The following HMX1 variants were observed in gnomAD, a reference collection of about 807,000 sequenced individuals.
HMX1 encodes homeobox protein HMX1.
Under a neutral mutation model 8.9 loss-of-function variants are expected in HMX1, and 8 were observed. That is an observed-to-expected ratio of 0.90 (90% CI 0.53 to 1.63). The LOEUF is 1.63. Among genes scored for constraint, HMX1 ranks in the 40% most tolerant of loss-of-function variants. The probability of loss-of-function intolerance (pLI) is 0.00; values close to 1 mark genes in which losing one functional copy is unlikely to be tolerated. For synonymous variants in HMX1, 311 were observed against 283.4 expected (o/e 1.10, Z -0.98); for missense variants, 621 against 558.5 (o/e 1.11, Z -1.13).
At chr4:8,860,769 C>G (rs1721776218) in intron 1 of HMX1, 1 of 152,578 alleles carries the variant, frequency 6.6e-6, no homozygotes, top group Non-Finnish European at 1.5e-5. Flanking sequence ...GCCCTGCCCG[C>G]AGCTTGAGCT....
rs918089125 is a variant in HMX1 at position 8,849,861 on chromosome 4, C to T, written c.395-3537G>A. On this transcript the variant is annotated intron_variant, in intron 1 of 1. Transcript: ENST00000506970. This position sits in a 1 kb window ranked among gnomAD's most constrained non-coding sequence, Gnocchi z 6.6. ...TTGTCATTTAACTCCACCCTCAGCC[C>T]GGAGTCTTCAGATGAGGGTTCTCTG... Among the ~76,000 whole-genome samples, 14 of 152,212 alleles carry T rather than the reference C, an allele frequency of 9.2e-5. No homozygotes were observed. Among genetic ancestry groups the T allele is most frequent in the African/African-American group, 3.1e-4 (13 of 41,470 alleles).
In HMX1 at chr4:8,849,333, T is replaced by A. The variant is rs1721371717; in HGVS notation, c.395-3009A>T. Reference sequence around the variant, plus strand: ...GCCCTACCCCAAGCTGAGTGGTGTGTGAGGACAAAGAGAACTTTGGACACA... The same window carrying A: ...GCCCTACCCCAAGCTGAGTGGTGTGAGAGGACAAAGAGAACTTTGGACACA... On this transcript the variant is annotated intron_variant, in intron 1 of 1. Coordinates refer to the HMX1 transcript ENST00000506970. This position sits in a 1 kb window ranked among gnomAD's most constrained non-coding sequence, Gnocchi z 6.6. Among the ~76,000 whole-genome samples the A allele has an allele frequency of 6.6e-6, 1 of 151,794 alleles. No individual in the cohort carries two copies. The highest frequency in any genetic ancestry group is 1.5e-5 in the Non-Finnish European group (1 of 67,992).
At chr4:8,850,983 G>T (rs1314933811) in intron 1 of HMX1, among the ~76,000 whole-genome samples, 1 of 152,262 alleles carries the variant, frequency 6.6e-6, no homozygotes, top group Non-Finnish European at 1.5e-5. Context: ...AGGGAGTCTG[G>T]AATCCATTTC....
In HMX1 at chr4:8,853,746, G is replaced by C. The variant is rs1043572200; in HGVS notation, c.395-7422C>G. ...GGGCCCCTGTAATCTCAGCTACTCG[G>C]GGAGGCTGAGACAGGAGAATTGTTT... On this transcript the variant is annotated intron_variant, in intron 1 of 1. Coordinates refer to the HMX1 transcript ENST00000506970. This position sits in a 1 kb window ranked among gnomAD's most constrained non-coding sequence, Gnocchi z 4.7. 1.3e-5 allele frequency among the ~76,000 whole-genome samples: 2 copies of C among 152,078 alleles called. No individual in the cohort carries two copies. Among genetic ancestry groups the C allele is most frequent in the Admixed American group, 6.5e-5 (1 of 15,276 alleles).
chr4:8,846,439 A>C, intron 1 of HMX1: 1 of 766,108 alleles, frequency 1.3e-6, no homozygotes, highest in South Asian at 1.9e-5. Flanking sequence ...CCTGGCTCAC[A>C]GAGTGGTCTC....
At chr4:8,861,785 T>C (rs943793109) in intron 1 of HMX1, among the ~76,000 whole-genome samples, 4 of 152,348 alleles carry the variant, frequency 2.6e-5, no homozygotes, top group Admixed American at 2.6e-4. Context: ...AAGGCGCCCA[T>C]CCTCTTGATG....
chr4:8,862,736 C>T (rs779212208), downstream of HMX1, among the ~76,000 whole-genome samples: 1 of 152,346 alleles, frequency 6.6e-6, no homozygotes, highest in East Asian at 1.9e-4. Flanking sequence ...ATAAAAAGCA[C>T]TATTACTTTT....
chr4:8,858,900 C>G (rs535369926), intron 1 of HMX1: 1 of 152,524 alleles, frequency 6.6e-6, no homozygotes, highest in African/African-American at 2.4e-5. Flanking sequence ...TCCCTCCTCT[C>G]TTCGTCACGC....
chr4:8,866,089 G>A (rs1256922127), downstream of HMX1, among the ~76,000 whole-genome samples: 2 of 152,208 alleles, frequency 1.3e-5, no homozygotes, highest in Admixed American at 1.3e-4. Context: ...GGGCTTGCTG[G>A]AACCCTGGCC....
intron 1 of HMX1, among the ~76,000 whole-genome samples, chr4:8,861,005 G>A (rs1474511128): frequency 6.6e-6 from 1 of 151,734 alleles, no homozygotes; most frequent in Non-Finnish European, 1.5e-5. Flanking sequence ...CCGCGGGGAG[G>A]GGGCGGGGCG....
rs1722056782 is a variant in HMX1 at position 8,867,795 on chromosome 4, T to C, written c.945A>G (p.Pro315=). 1 of 1,238,222 alleles carries C rather than the reference T, an allele frequency of 8.1e-7. No homozygotes were observed. The highest frequency in any genetic ancestry group is 3.1e-4 in the Middle Eastern group (1 of 3,208). The allele number at this position is 1,238,222 out of a possible 1,614,324, so 76.7% of individuals were successfully genotyped here. Residue 315 remains proline (P), a synonymous_variant, in exon 2 of 2, where the codon CCA becomes CCG. Coordinates refer to ENST00000400677, the MANE Select transcript of HMX1 (RefSeq NM_018942.3). ...GGGCCCCGGAGAAGCCGAGCAGCGG[T>C]GGGGGCGGCGCGGGCGCGGCGGGCG... is the stretch of plus-strand genomic sequence containing the variant. ...PLAPAAPAPP[P]PLLGFSGALA... is the part of the protein sequence containing the mutation.
Position 8,853,639 on chromosome 4 carries a change from G to T in HMX1, c.395-7315C>A, listed in dbSNP as rs1286317475. On this transcript the variant is annotated intron_variant, in intron 1 of 1. Coordinates refer to the HMX1 transcript ENST00000506970. The surrounding 1 kb of genome is among the most constrained non-coding windows in gnomAD (Gnocchi z 4.7). ...GGCCAAGGCGGGCGGATCACCTGAG[G>T]TCAGGAGTTCAAGACCAGCCTGACC... is the stretch of plus-strand genomic sequence containing the variant. Among the ~76,000 whole-genome samples, 3 of 152,158 alleles carry T rather than the reference G, an allele frequency of 2.0e-5. No individual in the cohort carries two copies. Among genetic ancestry groups the T allele is most frequent in the Non-Finnish European group, 4.4e-5 (3 of 68,036 alleles).
rs1721515987 is a variant in HMX1, at chr4:8,853,458, C to T, written c.395-7134G>A. 6.6e-6 allele frequency among the ~76,000 whole-genome samples: 1 copy of T among 152,194 alleles called. No individual in the cohort carries two copies. Among genetic ancestry groups the T allele is most frequent in the Non-Finnish European group, 1.5e-5 (1 of 68,040 alleles). On this transcript the variant is annotated intron_variant, in intron 1 of 1. Transcript: ENST00000506970. The surrounding 1 kb of genome is among the most constrained non-coding windows in gnomAD (Gnocchi z 4.7). ...ATCTCATGCTCACTGGTCAGAACCA[C>T]ATCATGTGACCGGGCTGAGCTGCAA...
At position 8,871,348 on chromosome 4, in the gene HMX1, C is replaced by G; in HGVS notation, c.267G>C (p.Pro89=). 10 of 1,266,016 alleles carry G rather than the reference C, an allele frequency of 7.9e-6. No homozygotes were observed. Among genetic ancestry groups the G allele is most frequent in the Non-Finnish European group, 8.9e-6 (9 of 1,008,230 alleles). 78.4% of individuals were successfully genotyped at this position (1,266,016 alleles called of 1,614,324 possible). Residue 89 remains proline (P), a synonymous_variant, in exon 1 of 2, where the codon CCG becomes CCC. Coordinates refer to ENST00000400677, the MANE Select transcript of HMX1 (RefSeq NM_018942.3). This position sits in a 1 kb window ranked among gnomAD's most constrained non-coding sequence, Gnocchi z 4.8. ...GCCGAGGACCGAGGCCCAGCGCGCC[C>G]GGCCCGAGCAGCGCACGGGCCCGCG... ...GEARARALLG[P]GALGLGPRPP...
Position 8,851,850 on chromosome 4 carries a change from G to C in HMX1, c.395-5526C>G, listed in dbSNP as rs1409409298. Reference sequence around the variant, plus strand: ...ACCATCATTCCCACCAGCAGCCCAGGCCTGGGCACTGTGGGGACACACTTT... The same window carrying C: ...ACCATCATTCCCACCAGCAGCCCAGCCCTGGGCACTGTGGGGACACACTTT... On this transcript the variant is annotated intron_variant, in intron 1 of 1. Coordinates refer to the HMX1 transcript ENST00000506970. Among the ~76,000 whole-genome samples the C allele has an allele frequency of 2.6e-5, 4 of 152,258 alleles. No homozygotes were observed. The East Asian group carries it at 7.7e-4, about 29-fold the overall frequency.
At chr4:8,861,925 A>G (rs1212116534) in intron 1 of HMX1, among the ~76,000 whole-genome samples, 2 of 152,188 alleles carry the variant, frequency 1.3e-5, no homozygotes, top group East Asian at 1.9e-4. Context: ...CCTCCCAAAC[A>G]CTGCAGCGAA....
At position 8,870,887 on chromosome 4, in the gene HMX1, G is replaced by A. The variant is rs1020832438; in HGVS notation, c.394+334C>T. ...TTCTCAGCCTCTTTCGCCTTCTCCT[G>A]TATCTTTCCCTATCCTCTTTCACTC... On this transcript the variant is annotated intron_variant, in intron 1 of 1. Transcript: ENST00000400677. The surrounding 1 kb of genome is among the most constrained non-coding windows in gnomAD (Gnocchi z 4.4). Among the ~76,000 whole-genome samples the A allele has an allele frequency of 1.4e-5, 2 of 142,710 alleles. No homozygotes were observed. The highest frequency in any genetic ancestry group is 3.0e-5 in the Non-Finnish European group (2 of 67,144). 93.6% of individuals were successfully genotyped at this position (142,710 alleles called of 152,430 possible).
Position 8,871,201 on chromosome 4 carries a change from C to A in HMX1, c.394+20G>T. ...GTCGGGCCCCACCGCCTGACCCACC[C>A]TCCCCGCGCCCTCACTCACTGTCAG... On this transcript the variant is annotated intron_variant, in intron 1 of 1. Transcript: ENST00000400677. The surrounding 1 kb of genome is among the most constrained non-coding windows in gnomAD (Gnocchi z 4.8). 7.1e-7 allele frequency: 1 copy of A among 1,407,530 alleles called. No homozygotes were observed. The highest frequency in any genetic ancestry group is 1.5e-5 in the South Asian group (1 of 67,812). 87.2% of individuals were successfully genotyped at this position (1,407,530 alleles called of 1,614,324 possible).
intron 1 of HMX1, among the ~76,000 whole-genome samples, chr4:8,851,420 C>T (rs1000458662): frequency 1.3e-5 from 2 of 152,230 alleles, no homozygotes; most frequent in African/African-American, 4.8e-5. Flanking sequence ...GTGTACAATG[C>T]ACCCCAAGGG....
Sources: allele counts gnomAD v4.1 joint callset (sites outside exome capture counted in the v4.1 genomes callset), GRCh38; gene constraint gnomAD v4.1.1; non-coding constraint Gnocchi (gnomAD v3.1); transcripts MANE v1.5; gene names NCBI Gene and HGNC (gene_info 2026-07-23, HGNC 2026-07-21).